The following COL28A1 variants were observed in gnomAD, a reference collection of about 807,000 sequenced individuals.
COL28A1 encodes collagen type XXVIII alpha 1 chain, also known as collagen alpha-1(XXVIII) chain.
In COL28A1, 161 loss-of-function variants were observed where a neutral mutation model predicts 150.2. The ratio of observed to expected loss-of-function variants is 1.07; its 90% CI spans 0.94 to 1.22. COL28A1 has a LOEUF of 1.22. Ranked by LOEUF, COL28A1 falls within the 50% of genes most tolerant of loss-of-function variation. COL28A1 has a pLI of 0.00. For synonymous variants in COL28A1, 552 were observed against 469.7 expected (o/e 1.18, Z -2.26); for missense variants, 1,617 against 1,388.3 (o/e 1.16, Z -2.62).
At chr7:7,422,793 T>G (rs113541483) in intron 25 of COL28A1, among the ~76,000 whole-genome samples, 3,297 of 152,152 alleles carry the variant, frequency 0.022, 127 homozygotes, top group African/African-American at 0.075. Flanking sequence ...GTCCCCAAGT[T>G]CCTGCCGGCT....
intron 30 of COL28A1, among the ~76,000 whole-genome samples, chr7:7,376,181 C>A (rs569823534): frequency 1.3e-5 from 2 of 151,858 alleles, no homozygotes; most frequent in East Asian, 3.9e-4. Context: ...TTATAAGTAA[C>A]TACAATGAGA....
chr7:7,482,937 G>A (rs1408386087), intron 13 of COL28A1, among the ~76,000 whole-genome samples: 1 of 152,214 alleles, frequency 6.6e-6, no homozygotes, highest in Non-Finnish European at 1.5e-5. Flanking sequence ...GTGGTGGGAA[G>A]AAGGCTAGGA....
At chr7:7,465,262 G>C (rs1267055763) in intron 15 of COL28A1, among the ~76,000 whole-genome samples, 1 of 278 alleles carries the variant, frequency 3.6e-3, no homozygotes, top group Admixed American at 0.031. Context: ...CCGTGCGCGA[G>C]CCGAAGCAGG....
intron 27 of COL28A1, among the ~76,000 whole-genome samples, chr7:7,405,021 C>T (rs1783417136): frequency 6.6e-6 from 1 of 152,104 alleles, no homozygotes; most frequent in African/African-American, 2.4e-5. Flanking sequence ...GTAGCTGGGA[C>T]TACATGCATG....
In COL28A1 at chr7:7,443,610, G is replaced by C. The variant is rs1332177806; in HGVS notation, c.1625C>G (p.Pro542Arg). 1 of 1,614,038 alleles carries C rather than the reference G, an allele frequency of 6.2e-7. No individual in the cohort carries two copies. Among genetic ancestry groups the C allele is most frequent in the Admixed American group, 1.7e-5 (1 of 60,006 alleles). ...CTTGGGGCCAGGCTGTCCTTTTCCA[G>C]GTGGTCCTTCTGGGCCTCTTGCTCC... ...LPGARGPEGP[P>R]GKGQPGPKGD... The change falls in exon 20 of 35, where the codon CCT (proline) becomes CGT (arginine). Residue 542 changes from proline (P) to arginine (R), a missense_variant. Physicochemically the swap from Pro to Arg is moderately radical, Grantham distance 103. Transcript: ENST00000399429.
chr7:7,451,070 T>C (rs902546786), intron 18 of COL28A1, among the ~76,000 whole-genome samples: 1 of 152,054 alleles, frequency 6.6e-6, no homozygotes, highest in Non-Finnish European at 1.5e-5. Context: ...GGCAGTGGGA[T>C]TGGGGAGTGC....
At chr7:7,504,002 G>A (rs1200817548) in intron 11 of COL28A1, among the ~76,000 whole-genome samples, 1 of 152,120 alleles carries the variant, frequency 6.6e-6, no homozygotes, top group Non-Finnish European at 1.5e-5. Context: ...AATTGATGAA[G>A]TCCTCAAATG....
intron 14 of COL28A1, among the ~76,000 whole-genome samples, chr7:7,476,658 AG>A (rs1788912931): frequency 6.6e-6 from 1 of 152,366 alleles, no homozygotes; most frequent in African/African-American, 2.4e-5. Context: ...CTAGTTAAAA[AG>A]GAAGTCTTTC....
chr7:7,400,166 C>G (rs572121652), intron 27 of COL28A1, among the ~76,000 whole-genome samples: 1 of 152,172 alleles, frequency 6.6e-6, no homozygotes, highest in Non-Finnish European at 1.5e-5. Flanking sequence ...TAAACAGTGG[C>G]CCCTAGATAT....
chr7:7,542,444 G>T, the COL28A1 span, among the ~76,000 whole-genome samples: 1 of 152,222 alleles, frequency 6.6e-6, no homozygotes, highest in Non-Finnish European at 1.5e-5. Context: ...CTGGGTGGCA[G>T]GTAATGGGTT....
At chr7:7,396,588 C>T (rs77213713) in intron 27 of COL28A1, among the ~76,000 whole-genome samples, 9 of 152,146 alleles carry the variant, frequency 5.9e-5, no homozygotes, top group African/African-American at 1.9e-4. Context: ...GGGACTAAGA[C>T]GGCCTAATGC....
At position 7,466,355 on chromosome 7, in the gene COL28A1, A is replaced by T. The variant is rs1209600594; in HGVS notation, c.1302+8246T>A. On this transcript the variant is annotated intron_variant, in intron 15 of 34. Coordinates refer to ENST00000399429, the MANE Select transcript of COL28A1 (RefSeq NM_001037763.3). ...TGATCAACTGGAAGAAAGGGTTATC[A>T]GCAATGGAAGATGAAATGAATGAAA... Among the ~76,000 whole-genome samples the T allele has an allele frequency of 1.4e-5, 2 of 146,690 alleles. 1 individual carries two copies. Among genetic ancestry groups the T allele is most frequent in the Non-Finnish European group, 3.0e-5 (2 of 66,502 alleles).
chr7:7,504,747 A>G (rs932981538), intron 11 of COL28A1, among the ~76,000 whole-genome samples: 2 of 152,236 alleles, frequency 1.3e-5, no homozygotes, highest in African/African-American at 4.8e-5. Flanking sequence ...ATGCTAAGCC[A>G]GTATGATCTC....
chr7:7,496,971 G>A (rs536602184), intron 11 of COL28A1, among the ~76,000 whole-genome samples: 2 of 146,886 alleles, frequency 1.4e-5, no homozygotes, highest in South Asian at 4.7e-4. Flanking sequence ...TCAGTGAAGT[G>A]ATGACTGTAT....
chr7:7,378,033 A>G lies in COL28A1; in HGVS notation c.2323-2536T>C, dbSNP rs1470027269. On this transcript the variant is annotated intron_variant, in intron 30 of 34. Coordinates refer to ENST00000399429, the MANE Select transcript of COL28A1 (RefSeq NM_001037763.3). The stretch of plus-strand genomic sequence containing the variant: ...GGTTGGGAGCTCATGAAGATGACTG[A>G]GCCCAGCTTGAGTCTGGCTGAGTCT... Among the ~76,000 whole-genome samples, 5 of 152,226 alleles carry G rather than the reference A, an allele frequency of 3.3e-5. No homozygotes were observed. The East Asian group carries it at 9.7e-4, about 29-fold the overall frequency.
chr7:7,461,752 T>G (rs1787644634), intron 15 of COL28A1, among the ~76,000 whole-genome samples: 1 of 151,460 alleles, frequency 6.6e-6, no homozygotes, highest in Non-Finnish European at 1.5e-5. Flanking sequence ...AGAAGTAGAG[T>G]CTGAGCTCAG....
intron 18 of COL28A1, among the ~76,000 whole-genome samples, chr7:7,452,071 A>G (rs1786735713): frequency 6.6e-6 from 1 of 152,214 alleles, no homozygotes; most frequent in Non-Finnish European, 1.5e-5. Flanking sequence ...ATAATAAACC[A>G]AGATAAACAA....
rs547498110 is a variant in COL28A1 at position 7,370,754 on chromosome 7, G to A, written c.3037C>T (p.Pro1013Ser). 6.2e-7 allele frequency: 1 copy of A among 1,613,470 alleles called. No homozygotes were observed. The highest frequency in any genetic ancestry group is 8.5e-7 in the Non-Finnish European group (1 of 1,179,790). ...TCAGAAATTTCTTTTTGAGGCTCTG[G>A]AGTAGATTCACTGAGTTCTTCCCCT... Reference protein sequence around the residue: ...MSGEELSESTPEPQKEISESL... With the variant: ...MSGEELSESTSEPQKEISESL... Residue 1013 changes from proline to serine, a missense_variant, in exon 33 of 35, where the codon CCA becomes TCA. Coordinates refer to ENST00000399429, the MANE Select transcript of COL28A1 (RefSeq NM_001037763.3).
intron 15 of COL28A1, among the ~76,000 whole-genome samples, chr7:7,456,358 A>G (rs1787169044): frequency 6.6e-6 from 1 of 152,182 alleles, no homozygotes; most frequent in South Asian, 2.1e-4. Flanking sequence ...ATATTTATCA[A>G]TCATTTTCTC....
Sources: gnomAD v4.1 joint callset for allele counts (sites outside exome capture counted in the v4.1 genomes callset) on GRCh38, gnomAD v4.1.1 for gene constraint, MANE v1.5 for transcripts, NCBI Gene and HGNC (gene_info 2026-07-23, HGNC 2026-07-21) for gene names.